The following DTX2 variants were observed in gnomAD, a reference collection of about 807,000 sequenced individuals.
DTX2 encodes deltex E3 ubiquitin ligase 2.
DTX2 carries 29 observed loss-of-function variants against 55.3 expected under a neutral mutation model. The observed-to-expected ratio is 0.52, with a 90% CI of 0.39 to 0.71. The LOEUF is 0.71. Among genes scored for constraint, DTX2 ranks in the 30% least tolerant of loss-of-function variants. The pLI, the probability that DTX2 is intolerant of heterozygous loss-of-function variation, is 0.00. For missense variants in DTX2, 537 were observed against 822.5 expected (o/e 0.65, Z 4.25); for synonymous variants, 276 against 340.4 (o/e 0.81, Z 2.08).
At chr7:76,481,232 A>G (rs1628255) in intron 3 of DTX2, among the ~76,000 whole-genome samples, 80,940 of 150,562 alleles carry the variant, frequency 0.54, 22,244 homozygotes, top group African/African-American at 0.62. Flanking sequence ...TGTTGCCTAA[A>G]CTGGAGTGCA....
chr7:76,488,969 C>CT (rs1170447141), intron 4 of DTX2, among the ~76,000 whole-genome samples: 2 of 101,062 alleles, frequency 2.0e-5, no homozygotes, highest in African/African-American at 5.0e-5. Context: ...ATGAATGAAA[C>CT]TGAGTGTTCA....
At chr7:76,469,195 C>T (rs956834686) in intron 2 of DTX2, among the ~76,000 whole-genome samples, 1 of 150,888 alleles carries the variant, frequency 6.6e-6, no homozygotes, top group African/African-American at 2.5e-5. Context: ...ACAGGAAAAG[C>T]ATGCTGGCCC....
intron 9 of DTX2, 111 bp downstream of exon 9, chr7:76,503,698 C>G: frequency 3.7e-6 from 4 of 1,089,892 alleles, no homozygotes; most frequent in Non-Finnish European, 5.2e-6. Context: ...TGGCCAAGCT[C>G]AGGCCCCCAG....
intron 2 of DTX2, among the ~76,000 whole-genome samples, chr7:76,468,241 C>T (rs1390011337): frequency 5.3e-5 from 8 of 152,118 alleles, no homozygotes; most frequent in Admixed American, 2.6e-4. Flanking sequence ...AGGTGTTGGG[C>T]AAAGGCTGAC....
intron 10 of DTX2, among the ~76,000 whole-genome samples, chr7:76,504,682 A>G (rs1812146789): frequency 6.6e-6 from 1 of 152,188 alleles, no homozygotes; most frequent in South Asian, 2.1e-4. Context: ...TGGGGTCAGG[A>G]GCTCCTGAGA....
intron 2 of DTX2, among the ~76,000 whole-genome samples, chr7:76,464,187 G>C (rs1299002072): frequency 1.3e-5 from 2 of 151,846 alleles, no homozygotes; most frequent in African/African-American, 2.4e-5. Flanking sequence ...GCTCCTGGAA[G>C]GTGGTAGTTG....
At position 76,480,444 on chromosome 7, in the gene DTX2, G is replaced by A. The variant is rs1809045551; in HGVS notation, c.-66G>A. 2 of 1,475,364 alleles carry A rather than the reference G, an allele frequency of 1.4e-6. No individual in the cohort carries two copies. Among genetic ancestry groups the A allele is most frequent in the Admixed American group, 2.4e-5 (1 of 40,882 alleles). The allele number at this position is 1,475,364 out of a possible 1,614,324, so 91.4% of individuals were successfully genotyped here. A position where few individuals can be genotyped will look rare whatever the true frequency, so the allele number is the denominator to read the frequency against. ...AGATCTGCCGGAGGCGCTGGGCAAT[G>A]ACCCCGGGACTCCAGGCCAGAGGGG... On this transcript the variant is annotated 5_prime_UTR_variant, in exon 3 of 11. The change abolishes an upstream ATG in the 5' untranslated region. Coordinates refer to ENST00000430490, the MANE Select transcript of DTX2 (RefSeq NM_001102594.3).
intron 2 of DTX2, among the ~76,000 whole-genome samples, chr7:76,466,668 T>C (rs948221982): frequency 1.3e-5 from 2 of 152,222 alleles, no homozygotes; most frequent in African/African-American, 4.8e-5. Flanking sequence ...CTCGGCTCAC[T>C]GCAACCTCCA....
Position 76,477,800 on chromosome 7 carries a change from C to CTAAATAAA in DTX2, c.-89-2587_-89-2580dup, listed in dbSNP as rs200872991. On this transcript the variant is annotated intron_variant, in intron 2 of 10. Coordinates refer to ENST00000430490, the MANE Select transcript of DTX2 (RefSeq NM_001102594.3). ...TGGGTGACAGAGTGAGACTCGGACTCTAAATAAATAAATAAATAAATAAAT... is the reference window on the plus strand; with the variant it reads ...TGGGTGACAGAGTGAGACTCGGACTCTAAATAAATAAATAAATAAATAAATAAATAAAT... Among the ~76,000 whole-genome samples the CTAAATAAA allele has an allele frequency of 2.0e-3, 182 of 90,074 alleles. 16 individuals carry two copies. Among genetic ancestry groups the CTAAATAAA allele is most frequent in the East Asian group, 7.1e-3 (21 of 2,942 alleles). The allele number at this position is 90,074 out of a possible 152,430, so 59.1% of individuals were successfully genotyped here. A position where few individuals can be genotyped will look rare whatever the true frequency, so the allele number is the denominator to read the frequency against.
intron 2 of DTX2, among the ~76,000 whole-genome samples, chr7:76,475,526 A>G (rs1215547667): frequency 7.2e-6 from 1 of 138,116 alleles, no homozygotes; most frequent in African/African-American, 2.7e-5. Flanking sequence ...ATCTCTACTG[A>G]AAATACAAAA....
At position 76,480,593 on chromosome 7, in the gene DTX2, G is replaced by T; in HGVS notation, c.84G>T (p.Leu28=). The stretch of plus-strand genomic sequence containing the variant: ...CCGTGTGGGAATGGCAGGACGGGCT[G>T]GGCACCTGGCACCCCTACAGTGCCA... ...AVAVWEWQDG[L]GTWHPYSATV... Residue 28 remains leucine, a synonymous_variant, in exon 3 of 11, where the codon CTG becomes CTT. Transcript: ENST00000430490. 6.2e-7 allele frequency: 1 copy of T among 1,613,060 alleles called. No homozygotes were observed. The highest frequency in any genetic ancestry group is 8.5e-7 in the Non-Finnish European group (1 of 1,179,962).
intron 6 of DTX2, among the ~76,000 whole-genome samples, chr7:76,499,316 C>A (rs1416437815): frequency 3.9e-5 from 5 of 126,822 alleles, no homozygotes; most frequent in Admixed American, 3.3e-4. Flanking sequence ...TGGCATGATT[C>A]GTTCACAGCA....
At chr7:76,469,340 A>C (rs1807591211) in intron 2 of DTX2, among the ~76,000 whole-genome samples, 1 of 132,978 alleles carries the variant, frequency 7.5e-6, no homozygotes, top group Non-Finnish European at 1.6e-5. Context: ...CCTGATTTTC[A>C]AGGGAAGCTT....
chr7:76,503,073 G>A (rs1285064644), intron 8 of DTX2: 24 of 323,816 alleles, frequency 7.4e-5, no homozygotes, highest in East Asian at 6.9e-4. Flanking sequence ...CTTCCCTAGT[G>A]TCTGCCATCC....
intron 7 of DTX2, chr7:76,501,201 C>T: frequency 2.3e-6 from 1 of 441,744 alleles, no homozygotes; most frequent in Non-Finnish European, 4.5e-6. Context: ...TCTTCAGATA[C>T]TTGGGGGCGG....
intron 2 of DTX2, among the ~76,000 whole-genome samples, chr7:76,474,350 T>TGGCC (rs933706130): frequency 7.6e-4 from 115 of 152,172 alleles, no homozygotes; most frequent in African/African-American, 2.7e-3. Context: ...CCACCACGCT[T>TGGCC]GGCCTGTTTT....
At chr7:76,502,655 C>A (rs2116619699) in intron 8 of DTX2, among the ~76,000 whole-genome samples, 199 bp downstream of exon 8, 1 of 152,316 alleles carries the variant, frequency 6.6e-6, no homozygotes, top group South Asian at 2.1e-4. Context: ...TCTAGGTCTG[C>A]CCCACACTTT....
chr7:76,480,265 G>C (rs892575560), intron 2 of DTX2, among the ~76,000 whole-genome samples, 156 bp from the exon 3 acceptor site: 7 of 148,202 alleles, frequency 4.7e-5, no homozygotes, highest in Non-Finnish European at 1.0e-4. Context: ...AGATCACACT[G>C]CTGCACTGTA....
At chr7:76,469,052 A>G (rs200539611) in intron 2 of DTX2, among the ~76,000 whole-genome samples, 1,356 of 127,772 alleles carry the variant, frequency 0.011, 3 homozygotes, top group African/African-American at 0.029. Flanking sequence ...GGCGTGAGCT[A>G]CCGCATTCAG....
Sources: gnomAD v4.1 joint callset for allele counts (sites outside exome capture counted in the v4.1 genomes callset) on GRCh38, gnomAD v4.1.1 for gene constraint, MANE v1.5 for transcripts, NCBI Gene and HGNC (gene_info 2026-07-23, HGNC 2026-07-21) for gene names.